Variants in TRPC4AP observed in about 807,000 individuals in gnomAD.
TRPC4AP encodes the protein transient receptor potential cation channel subfamily C member 4 associated protein.
Under a neutral mutation model 99.0 loss-of-function variants are expected in TRPC4AP, and 45 were observed. That is an observed-to-expected ratio of 0.45 (90% CI 0.36 to 0.58). The LOEUF (loss-of-function observed/expected upper bound fraction) is 0.58. TRPC4AP is among the 20% of genes least tolerant of loss of function. TRPC4AP has a pLI of 0.00. For missense variants in TRPC4AP, 879 were observed against 985.3 expected, an observed-to-expected ratio of 0.89 and a Z score of 1.44; for synonymous variants, 408 against 385.8, an observed-to-expected ratio of 1.06 and a Z score of -0.67.
chr20:35,084,401 ATAAAT>A (rs550886179), intron 1 of TRPC4AP, among the ~76,000 whole-genome samples: 47 of 151,898 alleles, frequency 3.1e-4, no homozygotes, highest in African/African-American at 8.0e-4. Context: ...AAACAGTAAA[ATAAAT>A]TAAAGGATGC....
At chr20:35,022,601 A>G (rs2082918772) in intron 8 of TRPC4AP, among the ~76,000 whole-genome samples, 1 of 152,108 alleles carries the variant, frequency 6.6e-6, no homozygotes. Flanking sequence ...TCCTACAGGA[A>G]CTGCTTCCCT....
intron 6 of TRPC4AP, 44 bp from the exon 7 acceptor site, chr20:35,044,756 C>T (rs1398067894): frequency 6.3e-7 from 1 of 1,591,646 alleles, no homozygotes. Flanking sequence ...TCAATTCACT[C>T]AAGAGATTGG....
intron 3 of TRPC4AP, among the ~76,000 whole-genome samples, chr20:35,060,879 G>A (rs1490610518): frequency 6.6e-6 from 1 of 152,098 alleles, no homozygotes; most frequent in African/African-American, 2.4e-5. Flanking sequence ...CCCACAGCTA[G>A]CATCACGCTT....
chr20:35,009,529 C>T (rs998918750), intron 12 of TRPC4AP, among the ~76,000 whole-genome samples: 4 of 152,120 alleles, frequency 2.6e-5, no homozygotes, highest in Non-Finnish European at 5.9e-5. Context: ...ACCTGTAGTC[C>T]CAGCTACTCG....
Position 35,079,078 on chromosome 20 carries a change from A to C in TRPC4AP, c.169-904T>G, listed in dbSNP as rs527395893. Among the ~76,000 whole-genome samples, 9 of 152,316 alleles carry C rather than the reference A, an allele frequency of 5.9e-5. 1 individual carries two copies. In the South Asian group the frequency reaches 1.9e-3, roughly 32 times the overall value. On this transcript the variant is annotated intron_variant, in intron 1 of 18. Coordinates refer to ENST00000252015, the MANE Select transcript of TRPC4AP (RefSeq NM_015638.3). ...AAAACTCTGTCTCAAAAAATAGAAA[A>C]GGGGATGGAGAAAGATAAATCACAT...
chr20:35,033,185 C>A (rs1476359195), intron 8 of TRPC4AP, among the ~76,000 whole-genome samples: 2 of 152,050 alleles, frequency 1.3e-5, no homozygotes, highest in Non-Finnish European at 2.9e-5. Flanking sequence ...CAAGAGACTC[C>A]ATCTCAAAAA....
At chr20:35,087,320 C>G (rs1261084648) in intron 1 of TRPC4AP, among the ~76,000 whole-genome samples, 4 of 136,274 alleles carry the variant, frequency 2.9e-5, no homozygotes, top group African/African-American at 8.7e-5. Flanking sequence ...GCCTGGGCAA[C>G]AGAGCGAGAC....
intron 11 of TRPC4AP, among the ~76,000 whole-genome samples, chr20:35,011,834 G>A (rs953521657): frequency 2.0e-5 from 3 of 152,234 alleles, no homozygotes; most frequent in African/African-American, 7.2e-5. Context: ...TTCTGCAGGG[G>A]AGAGTTCCTG....
intron 8 of TRPC4AP, among the ~76,000 whole-genome samples, chr20:35,029,084 C>T (rs1451192062): frequency 6.6e-6 from 1 of 152,144 alleles, no homozygotes; most frequent in Non-Finnish European, 1.5e-5. Flanking sequence ...CCCATCTCTA[C>T]TAAAAACACA....
At chr20:35,013,216 C>A in intron 10 of TRPC4AP, 150 bp from the exon 11 acceptor site, 1 of 674,770 alleles carries the variant, frequency 1.5e-6, no homozygotes. Flanking sequence ...CATCTGTTCA[C>A]TTCCACATCT....
At chr20:35,062,857 A>C (rs2084042297) in intron 3 of TRPC4AP, among the ~76,000 whole-genome samples, 1 of 152,256 alleles carries the variant, frequency 6.6e-6, no homozygotes. Context: ...TATGACATGA[A>C]TTATATCTCA....
At chr20:35,061,409 A>G (rs1487166984) in intron 3 of TRPC4AP, among the ~76,000 whole-genome samples, 1 of 152,234 alleles carries the variant, frequency 6.6e-6, no homozygotes, top group African/African-American at 2.4e-5. Flanking sequence ...AATACTCCCT[A>G]AATTGACCTA....
chr20:35,066,433 T>A (rs1352556054), intron 3 of TRPC4AP, among the ~76,000 whole-genome samples: 3 of 152,108 alleles, frequency 2.0e-5, no homozygotes, highest in African/African-American at 7.2e-5. Flanking sequence ...CATGTAGTTT[T>A]ACACACTGAA....
At chr20:35,075,817 T>C (rs1361091131) in intron 2 of TRPC4AP, among the ~76,000 whole-genome samples, 3 of 152,242 alleles carry the variant, frequency 2.0e-5, no homozygotes, top group Non-Finnish European at 4.4e-5. Flanking sequence ...CTTGCTAGAT[T>C]GGGGAAGTTC....
At chr20:35,084,094 G>A (rs2084731000) in intron 1 of TRPC4AP, among the ~76,000 whole-genome samples, 1 of 151,960 alleles carries the variant, frequency 6.6e-6, no homozygotes, top group Admixed American at 6.6e-5. Context: ...GAGGTCAGGA[G>A]TTCGAGACCA....
Position 35,016,152 on chromosome 20 carries a change from G to C in TRPC4AP, c.1219-13C>G. On this transcript the variant is annotated splice_polypyrimidine_tract_variant and intron_variant, in intron 9 of 18. Coordinates refer to ENST00000252015, the MANE Select transcript of TRPC4AP (RefSeq NM_015638.3). Reference sequence around the variant, plus strand: ...TCATTCTGTGAACCTGAATGGGATAGGAAGGAAAAAGTATTAAGACAAATG... The same window carrying C: ...TCATTCTGTGAACCTGAATGGGATACGAAGGAAAAAGTATTAAGACAAATG... 1 of 1,614,086 alleles carries C rather than the reference G, an allele frequency of 6.2e-7. No individual in the cohort carries two copies. The highest frequency in any genetic ancestry group is 8.5e-7 in the Non-Finnish European group (1 of 1,179,986).
At chr20:35,013,545 G>A (rs2082685205) in intron 10 of TRPC4AP, among the ~76,000 whole-genome samples, 1 of 152,310 alleles carries the variant, frequency 6.6e-6, no homozygotes. Context: ...ACCACTGACT[G>A]CACTCCAGCC....
chr20:35,038,861 T>C (rs1381107895), intron 7 of TRPC4AP, among the ~76,000 whole-genome samples: 1 of 152,168 alleles, frequency 6.6e-6, no homozygotes, highest in African/African-American at 2.4e-5. Flanking sequence ...TCACCTGAGT[T>C]TGGGAGTTCA....
intron 6 of TRPC4AP, among the ~76,000 whole-genome samples, chr20:35,049,550 C>A (rs546133183): frequency 1.3e-5 from 2 of 152,258 alleles, no homozygotes; most frequent in South Asian, 4.1e-4. Flanking sequence ...CTACAAAGAA[C>A]TTGCCCCAAC....
Sources: allele counts gnomAD v4.1 joint callset (sites outside exome capture counted in the v4.1 genomes callset), GRCh38; gene constraint gnomAD v4.1.1; transcripts MANE v1.5; gene names NCBI Gene and HGNC (gene_info 2026-07-23, HGNC 2026-07-21).